Variants in SCAMP2 observed in about 807,000 individuals in gnomAD.
The protein encoded by SCAMP2 is secretory carrier membrane protein 2, also known as secretory carrier-associated membrane protein 2.
In SCAMP2, 25 loss-of-function variants were observed where a neutral mutation model predicts 44.1. The ratio of observed to expected loss-of-function variants is 0.57; its 90% CI spans 0.41 to 0.79. SCAMP2 has a LOEUF of 0.79. Among genes scored for constraint, SCAMP2 ranks in the 30% least tolerant of loss-of-function variants. The pLI is 0.00. For synonymous variants in SCAMP2, 156 were observed against 166.0 expected (o/e 0.94, Z 0.46); for missense variants, 355 against 411.0 (o/e 0.86, Z 1.18).
At chr15:74,854,560 A>T in intron 2 of SCAMP2, 21 bp downstream of exon 2, 1 of 1,582,382 alleles carries the variant, frequency 6.3e-7, no homozygotes, top group Middle Eastern at 1.7e-4. Context: ...TGGGACTTGG[A>T]AAGAGGGCCT....
At chr15:74,850,809 C>A in intron 5 of SCAMP2, 136 bp from the exon 6 acceptor site, 1 of 840,478 alleles carries the variant, frequency 1.2e-6, no homozygotes, top group Non-Finnish European at 1.8e-6. Flanking sequence ...CGCTCTGTAC[C>A]TAGGCAGGGA....
chr15:74,861,707 G>C (rs2064504532), intron 1 of SCAMP2, among the ~76,000 whole-genome samples: 1 of 151,812 alleles, frequency 6.6e-6, no homozygotes, highest in Non-Finnish European at 1.5e-5. Flanking sequence ...GACCATCCTG[G>C]CTAACACGGT....
chr15:74,868,470 A>C, intron 1 of SCAMP2, among the ~76,000 whole-genome samples: 1 of 152,252 alleles, frequency 6.6e-6, no homozygotes, highest in East Asian at 1.9e-4. Context: ...TGGGTCAAAT[A>C]AAGCTGAGCC....
chr15:74,853,108 G>A (rs908001729), intron 3 of SCAMP2: 7 of 295,586 alleles, frequency 2.4e-5, no homozygotes, highest in Non-Finnish European at 4.1e-5. Flanking sequence ...CTGACGTGGA[G>A]AGCCAAGTTT....
intron 1 of SCAMP2, among the ~76,000 whole-genome samples, chr15:74,862,948 G>A (rs2064518747): frequency 6.6e-6 from 1 of 150,416 alleles, no homozygotes; most frequent in South Asian, 2.1e-4. Flanking sequence ...CATGGCTCAT[G>A]ACTGTAATCC....
chr15:74,861,278 G>T (rs2064501279), intron 1 of SCAMP2, among the ~76,000 whole-genome samples: 1 of 152,192 alleles, frequency 6.6e-6, no homozygotes. Flanking sequence ...AAGTCCTATT[G>T]GCTTTGGAGA....
At chr15:74,857,030 TTA>T (rs1428536826) in intron 1 of SCAMP2, among the ~76,000 whole-genome samples, 7 of 152,188 alleles carry the variant, frequency 4.6e-5, no homozygotes, top group Non-Finnish European at 7.3e-5. Context: ...CTCTGAATAT[TTA>T]TAGAGCTGAG....
rs529393022 is a variant in SCAMP2, at chr15:74,850,612, G to C, written c.534C>G (p.Ser178Arg). 1 of 1,614,034 alleles carries C rather than the reference G, an allele frequency of 6.2e-7. No homozygotes were observed. Among genetic ancestry groups the C allele is most frequent in the Non-Finnish European group, 8.5e-7 (1 of 1,180,014 alleles). Residue 178 changes from serine to arginine, a missense_variant, in exon 6 of 9, where the codon AGC becomes AGG. Transcript: ENST00000268099. ...LACLAWFSGN[S>R]SKGVDFGLSI... ...AGAGGCCAAAGTCCACTCCCTTGGA[G>C]CTGTTGCCCGAGAACCAGGCCAGGC...
chr15:74,866,029 A>C, intron 1 of SCAMP2, among the ~76,000 whole-genome samples: 2 of 42,396 alleles, frequency 4.7e-5, no homozygotes, highest in South Asian at 9.9e-4. Context: ...GGAGGGAGGG[A>C]GGGGAGGGGA....
intron 1 of SCAMP2, 45 bp downstream of exon 1, chr15:74,873,154 G>A: frequency 2.8e-6 from 4 of 1,407,312 alleles, no homozygotes; most frequent in Non-Finnish European, 3.7e-6. Flanking sequence ...GCGGCCGTGG[G>A]CCCTAGGGAA....
At chr15:74,855,335 C>T (rs772319826) in intron 1 of SCAMP2, among the ~76,000 whole-genome samples, 2 of 152,054 alleles carry the variant, frequency 1.3e-5, no homozygotes, top group African/African-American at 4.8e-5. Context: ...ATCTCTTGAC[C>T]TCGTGATCTG....
chr15:74,851,195 C>T (rs2064433113), intron 5 of SCAMP2, among the ~76,000 whole-genome samples, 158 bp downstream of exon 5: 1 of 152,192 alleles, frequency 6.6e-6, no homozygotes. Flanking sequence ...AGGGGGCAGC[C>T]TGTGGGCAGA....
At chr15:74,860,302 C>A (rs2064494812) in intron 1 of SCAMP2, among the ~76,000 whole-genome samples, 1 of 152,144 alleles carries the variant, frequency 6.6e-6, no homozygotes, top group Admixed American at 6.6e-5. Context: ...GTAATCCCAG[C>A]ACTTTGGGAG....
chr15:74,849,826 A>T (rs914335514), intron 6 of SCAMP2, among the ~76,000 whole-genome samples: 1 of 116,698 alleles, frequency 8.6e-6, no homozygotes, highest in Non-Finnish European at 2.1e-5. Context: ...TGACTGGAAG[A>T]AAAAAATATT....
intron 7 of SCAMP2, among the ~76,000 whole-genome samples, chr15:74,846,159 G>A (rs1467276482): frequency 6.6e-6 from 1 of 152,132 alleles, no homozygotes; most frequent in Non-Finnish European, 1.5e-5. Context: ...GCACACGCCT[G>A]CAATCCCAGC....
At chr15:74,871,057 G>T (rs1044462693) in intron 1 of SCAMP2, among the ~76,000 whole-genome samples, 2 of 152,086 alleles carry the variant, frequency 1.3e-5, no homozygotes, top group African/African-American at 4.8e-5. Flanking sequence ...GTTTTGAGCA[G>T]ACGTGAAACA....
At chr15:74,855,813 A>G (rs1272377527) in intron 1 of SCAMP2, among the ~76,000 whole-genome samples, 1 of 152,068 alleles carries the variant, frequency 6.6e-6, no homozygotes, top group Non-Finnish European at 1.5e-5. Context: ...CACACTTGCT[A>G]AGAGCAGAGA....
intron 5 of SCAMP2, among the ~76,000 whole-genome samples, chr15:74,851,095 G>A (rs1398697905): frequency 6.6e-6 from 1 of 152,216 alleles, no homozygotes; most frequent in Non-Finnish European, 1.5e-5. Flanking sequence ...TTTTAGTGCA[G>A]TGAGCTCTGA....
At position 74,873,134 on chromosome 15, in the gene SCAMP2, G is replaced by C. The variant is rs962989705; in HGVS notation, c.57+65C>G. 9 of 1,328,424 alleles carry C rather than the reference G, an allele frequency of 6.8e-6. No homozygotes were observed. The East Asian group carries it at 2.5e-4, about 37-fold the overall frequency. The allele number at this position is 1,328,424 out of a possible 1,614,324, so 82.3% of individuals were successfully genotyped here. On this transcript the variant is annotated intron_variant, in intron 1 of 8. Coordinates refer to ENST00000268099, the MANE Select transcript of SCAMP2 (RefSeq NM_005697.5). The stretch of plus-strand genomic sequence containing the variant: ...GCCACGTCTCCCGGCTCTAGCGAGA[G>C]GCCCGGGCGGCGGCCGTGGGCCCTA...
Sources: gnomAD v4.1 joint callset for allele counts (sites outside exome capture counted in the v4.1 genomes callset) on GRCh38, gnomAD v4.1.1 for gene constraint, MANE v1.5 for transcripts, NCBI Gene and HGNC (gene_info 2026-07-23, HGNC 2026-07-21) for gene names.